The following RASAL2 variants were observed in gnomAD, a reference collection of about 807,000 sequenced individuals.
RASAL2 encodes the protein RAS protein activator like 2.
A neutral mutation model predicts 128.9 loss-of-function variants in RASAL2; 58 were observed. That is an observed-to-expected ratio of 0.45 (90% confidence interval 0.36 to 0.56). The LOEUF (loss-of-function observed/expected upper bound fraction) is 0.56. Among genes scored for constraint, RASAL2 ranks in the 20% least tolerant of loss-of-function variants. The probability of loss-of-function intolerance (pLI) is 0.00; values close to 1 mark genes in which losing one functional copy is unlikely to be tolerated. For synonymous variants in RASAL2, 561 were observed against 580.8 expected (o/e 0.97, Z 0.49); for missense variants, 1,360 against 1,601.6 (o/e 0.85, Z 2.57).
intron 1 of RASAL2, among the ~76,000 whole-genome samples, chr1:178,136,169 A>G (rs1370260085): frequency 6.6e-6 from 1 of 152,226 alleles, no homozygotes; most frequent in African/African-American, 2.4e-5. Flanking sequence ...ATAGATTTTT[A>G]TGTAAACCAC....
intron 5 of RASAL2, among the ~76,000 whole-genome samples, chr1:178,431,847 T>G (rs967602417): frequency 6.7e-6 from 1 of 149,736 alleles, no homozygotes; most frequent in Non-Finnish European, 1.5e-5. Flanking sequence ...TATAGACATA[T>G]ATGTTTGTAT....
chr1:178,215,223 G>C lies in RASAL2; in HGVS notation c.203-68341G>C, dbSNP rs555008705. 4.7e-4 allele frequency among the ~76,000 whole-genome samples: 72 copies of C among 152,304 alleles called. 4 individuals are homozygous for C. In the South Asian group the frequency reaches 0.015, roughly 31 times the overall value. On this transcript the variant is annotated intron_variant, in intron 1 of 17. Coordinates refer to ENST00000367649, the MANE Select transcript of RASAL2 (RefSeq NM_170692.4). ...GTTTGTTTCTTTGTTTCTTGACTCT[G>C]GTCATGTAGCTAAGCTATATTTCTT... is the stretch of plus-strand genomic sequence containing the variant.
In RASAL2 at chr1:178,473,655, C is replaced by A; in HGVS notation, c.*416C>A. 1 of 199,984 alleles carries A rather than the reference C, an allele frequency of 5.0e-6. No homozygotes were observed. Among genetic ancestry groups the A allele is most frequent in the Non-Finnish European group, 1.0e-5 (1 of 99,224 alleles). 12.4% of individuals were successfully genotyped at this position (199,984 alleles called of 1,614,324 possible). ...GTAGGTTCAGTAGGTAGAGACCAAGCATCTATCTGATAGAAGCACATGGAG... is the reference window on the plus strand; with the variant it reads ...GTAGGTTCAGTAGGTAGAGACCAAGAATCTATCTGATAGAAGCACATGGAG... On this transcript the variant is annotated 3_prime_UTR_variant, in exon 18 of 18. Coordinates refer to ENST00000367649, the MANE Select transcript of RASAL2 (RefSeq NM_170692.4).
intron 5 of RASAL2, among the ~76,000 whole-genome samples, chr1:178,421,164 C>T (rs1310558321): frequency 4.0e-5 from 6 of 150,618 alleles, no homozygotes; most frequent in Non-Finnish European, 8.9e-5. Context: ...CTCCAGAGTC[C>T]ATGCTTTTTA....
In RASAL2 at chr1:178,143,706, G is replaced by A. The variant is rs190650063; in HGVS notation, c.202+49012G>A. 2.4e-3 allele frequency among the ~76,000 whole-genome samples: 369 copies of A among 151,598 alleles called. 1 individual carries two copies. The highest frequency in any genetic ancestry group is 8.6e-3 in the African/African-American group (358 of 41,408). The stretch of plus-strand genomic sequence containing the variant: ...AGCCCTCTGATGCAACTGGGATTGG[G>A]AAGTGGGGGTGGTTAAAGGATAATT... On this transcript the variant is annotated intron_variant, in intron 1 of 17. Coordinates refer to ENST00000367649, the MANE Select transcript of RASAL2 (RefSeq NM_170692.4).
Position 178,366,231 on chromosome 1 carries a change from G to A in RASAL2, c.458-23869G>A, listed in dbSNP as rs183411423. 1.0e-3 allele frequency among the ~76,000 whole-genome samples: 153 copies of A among 152,196 alleles called. 1 individual carries two copies. The highest frequency in any genetic ancestry group is 3.4e-3 in the African/African-American group (140 of 41,510). On this transcript the variant is annotated intron_variant, in intron 3 of 17. Transcript: ENST00000367649. ...CATATATATAATAAAAATATACATA[G>A]AGTGATTCAGCAAAGTTGGCAAAAT...
intron 1 of RASAL2, among the ~76,000 whole-genome samples, chr1:178,129,117 T>C (rs534873151): frequency 2.6e-5 from 4 of 152,176 alleles, no homozygotes; most frequent in Non-Finnish European, 5.9e-5. Flanking sequence ...CTGGAATGGC[T>C]GGGTCATATA....
At chr1:178,322,941 C>T (rs1200397808) in intron 3 of RASAL2, among the ~76,000 whole-genome samples, 2 of 152,150 alleles carry the variant, frequency 1.3e-5, no homozygotes, top group Non-Finnish European at 2.9e-5. Context: ...TAGGCATTCT[C>T]AATACACATG....
chr1:178,179,449 C>A (rs1662012722), intron 1 of RASAL2, among the ~76,000 whole-genome samples: 6 of 152,096 alleles, frequency 3.9e-5, no homozygotes, highest in Admixed American at 3.9e-4. Flanking sequence ...AGCGAAGAGT[C>A]CACCTCTTCA....
intron 3 of RASAL2, among the ~76,000 whole-genome samples, chr1:178,321,378 G>A (rs970315044): frequency 1.3e-5 from 2 of 151,936 alleles, no homozygotes; most frequent in African/African-American, 4.8e-5. Context: ...GAGCCACCGC[G>A]CCCCGCCTCA....
intron 1 of RASAL2, among the ~76,000 whole-genome samples, chr1:178,261,359 C>T (rs753270214): frequency 5.6e-4 from 85 of 152,264 alleles, no homozygotes; most frequent in Non-Finnish European, 8.7e-4. Context: ...AACAACTTAG[C>T]TCTACATATC....
chr1:178,302,663 A>G (rs761164185), intron 3 of RASAL2, among the ~76,000 whole-genome samples: 8 of 152,210 alleles, frequency 5.3e-5, no homozygotes, highest in Non-Finnish European at 8.8e-5. Flanking sequence ...TCTAAAATTC[A>G]TCTCGAAATG....
chr1:178,155,883 C>T (rs182610487), intron 1 of RASAL2, among the ~76,000 whole-genome samples: 8 of 152,304 alleles, frequency 5.3e-5, no homozygotes, highest in Non-Finnish European at 8.8e-5. Flanking sequence ...AAGATCCCAT[C>T]TCCTTCCCAA....
At chr1:178,273,016 AAAAG>A (rs1557869654) in intron 1 of RASAL2, among the ~76,000 whole-genome samples, 1 of 152,224 alleles carries the variant, frequency 6.6e-6, no homozygotes, top group East Asian at 1.9e-4. Context: ...AAATATTACT[AAAAG>A]AACCCTGCAC....
At chr1:178,319,473 C>G (rs1668644076) in intron 3 of RASAL2, among the ~76,000 whole-genome samples, 1 of 150,776 alleles carries the variant, frequency 6.6e-6, no homozygotes, top group Admixed American at 6.6e-5. Context: ...TCCCATATTT[C>G]TTGGAGGCTT....
intron 1 of RASAL2, among the ~76,000 whole-genome samples, chr1:178,273,839 A>G (rs1666371083): frequency 6.6e-6 from 1 of 152,150 alleles, no homozygotes; most frequent in Non-Finnish European, 1.5e-5. Flanking sequence ...TTTGTTTCCT[A>G]CCACTCACTT....
intron 1 of RASAL2, among the ~76,000 whole-genome samples, chr1:178,133,242 C>T (rs569778523): frequency 1.3e-5 from 2 of 152,298 alleles, no homozygotes; most frequent in Middle Eastern, 3.4e-3. Context: ...TTGTCTGAGG[C>T]ATTAGCTTTA....
chr1:178,420,123 G>T (rs1315967478), intron 4 of RASAL2, among the ~76,000 whole-genome samples: 8 of 152,120 alleles, frequency 5.3e-5, no homozygotes, highest in Non-Finnish European at 8.8e-5. Context: ...CCCTTAGTTT[G>T]GGAAATCAGT....
intron 5 of RASAL2, among the ~76,000 whole-genome samples, chr1:178,434,544 A>G (rs749720568): frequency 6.6e-6 from 1 of 152,116 alleles, no homozygotes; most frequent in Admixed American, 6.5e-5. Flanking sequence ...AGTAAGACCT[A>G]TATGTTATGT....
Sources: gnomAD v4.1 joint callset for allele counts (sites outside exome capture counted in the v4.1 genomes callset) on GRCh38, gnomAD v4.1.1 for gene constraint, MANE v1.5 for transcripts, NCBI Gene and HGNC (gene_info 2026-07-23, HGNC 2026-07-21) for gene names.